Variants in ADGRB3 observed in about 807,000 individuals in gnomAD.
ADGRB3 encodes the protein brain-specific angiogenesis inhibitor 3.
ADGRB3 carries 37 observed loss-of-function variants against 193.4 expected under a neutral mutation model. The ratio of observed to expected loss-of-function variants is 0.19; its 90% confidence interval spans 0.15 to 0.25. ADGRB3 has a LOEUF of 0.25. Among genes scored for constraint, ADGRB3 ranks in the 10% least tolerant of loss-of-function variants. The probability of loss-of-function intolerance (pLI) is 1.00; values close to 1 mark genes in which losing one functional copy is unlikely to be tolerated. For synonymous variants in ADGRB3, 690 were observed against 644.2 expected (o/e 1.07, Z -1.08); for missense variants, 1,637 against 1,852.9 (o/e 0.88, Z 2.14).
chr6:68,946,965 C>T (rs1002498035), intron 6 of ADGRB3, among the ~76,000 whole-genome samples: 1 of 152,058 alleles, frequency 6.6e-6, no homozygotes. Flanking sequence ...TGCACAACTT[C>T]CTCCCACTTC....
At chr6:69,104,617 T>G (rs756883990) in intron 17 of ADGRB3, among the ~76,000 whole-genome samples, 1 of 152,116 alleles carries the variant, frequency 6.6e-6, no homozygotes, top group Non-Finnish European at 1.5e-5. Context: ...ATGTTGCTCT[T>G]TTCTATAATA....
chr6:69,197,767 A>C (rs1484300832), intron 17 of ADGRB3, among the ~76,000 whole-genome samples: 1 of 152,086 alleles, frequency 6.6e-6, no homozygotes, highest in Non-Finnish European at 1.5e-5. Flanking sequence ...TATAATATCA[A>C]GCAAAGGTAA....
chr6:69,240,765 G>A (rs1443815965), intron 20 of ADGRB3, among the ~76,000 whole-genome samples: 1 of 151,828 alleles, frequency 6.6e-6, no homozygotes, highest in Non-Finnish European at 1.5e-5. Flanking sequence ...TTTCCTTTTT[G>A]CTTGTTCACT....
intron 20 of ADGRB3, among the ~76,000 whole-genome samples, chr6:69,269,239 C>A (rs986155086): frequency 3.3e-5 from 5 of 152,050 alleles, no homozygotes; most frequent in African/African-American, 1.2e-4. Flanking sequence ...AAACAACATT[C>A]TTAGTTAAAA....
At chr6:68,937,431 G>T (rs2150248653) in intron 5 of ADGRB3, among the ~76,000 whole-genome samples, 1 of 152,262 alleles carries the variant, frequency 6.6e-6, no homozygotes, top group Admixed American at 6.5e-5. Context: ...GTTTCCAGAA[G>T]TTCAAAGCAC....
chr6:68,839,087 C>A (rs1768100252), intron 3 of ADGRB3, among the ~76,000 whole-genome samples: 1 of 129,978 alleles, frequency 7.7e-6, no homozygotes, highest in Non-Finnish European at 1.5e-5. Flanking sequence ...CTGTCACACA[C>A]ACACACACAC....
intron 8 of ADGRB3, among the ~76,000 whole-genome samples, chr6:68,961,838 T>C (rs959172370): frequency 6.6e-6 from 1 of 152,256 alleles, no homozygotes; most frequent in Admixed American, 6.5e-5. Context: ...TTGGAATTTA[T>C]ATTATTTAAT....
intron 12 of ADGRB3, among the ~76,000 whole-genome samples, chr6:69,017,040 A>G (rs890718373): frequency 6.6e-6 from 1 of 151,914 alleles, no homozygotes; most frequent in African/African-American, 2.4e-5. Flanking sequence ...TTCATGTTTA[A>G]TGACTGAAAA....
At chr6:68,739,530 T>G (rs1361472320) in intron 3 of ADGRB3, among the ~76,000 whole-genome samples, 2 of 152,004 alleles carry the variant, frequency 1.3e-5, no homozygotes, top group African/African-American at 4.8e-5. Flanking sequence ...ATGAGAGAAG[T>G]CAGAGTGCAC....
At chr6:68,968,734 C>A (rs1329594983) in intron 8 of ADGRB3, among the ~76,000 whole-genome samples, 1 of 152,036 alleles carries the variant, frequency 6.6e-6, no homozygotes, top group Admixed American at 6.6e-5. Context: ...TATGTAATAA[C>A]CTATTCATGA....
chr6:68,921,001 T>A (rs1767028038), intron 3 of ADGRB3, among the ~76,000 whole-genome samples: 2 of 151,994 alleles, frequency 1.3e-5, no homozygotes. Context: ...ATGTAAAAAA[T>A]TAGGGTATAA....
chr6:68,851,894 C>T (rs555196568), intron 3 of ADGRB3, among the ~76,000 whole-genome samples: 7 of 151,768 alleles, frequency 4.6e-5, no homozygotes, highest in South Asian at 2.1e-4. Context: ...TTCACGGAGA[C>T]GGTGATATTT....
chr6:68,710,839 A>G (rs960568543), intron 3 of ADGRB3, among the ~76,000 whole-genome samples: 3 of 152,116 alleles, frequency 2.0e-5, no homozygotes, highest in African/African-American at 7.2e-5. Context: ...TTGAACTCCT[A>G]GAGGTGTGTA....
At chr6:69,271,266 T>A (rs1182064747) in intron 20 of ADGRB3, among the ~76,000 whole-genome samples, 1 of 152,134 alleles carries the variant, frequency 6.6e-6, no homozygotes, top group African/African-American at 2.4e-5. Context: ...AGAGGACAGA[T>A]GGATATATAT....
intron 3 of ADGRB3, among the ~76,000 whole-genome samples, chr6:68,750,642 A>G (rs748286253): frequency 4.6e-5 from 7 of 152,000 alleles, no homozygotes; most frequent in Middle Eastern, 3.4e-3. Flanking sequence ...ACTTCTATCC[A>G]TGTCTGCTTT....
At chr6:69,137,091 T>C (rs1397587894) in intron 17 of ADGRB3, among the ~76,000 whole-genome samples, 6 of 150,522 alleles carry the variant, frequency 4.0e-5, no homozygotes, top group Non-Finnish European at 7.4e-5. Flanking sequence ...GTAAGATCTT[T>C]TTGAGCCTCA....
intron 3 of ADGRB3, among the ~76,000 whole-genome samples, chr6:68,650,702 G>A (rs920183886): frequency 4.6e-5 from 7 of 151,914 alleles, no homozygotes; most frequent in East Asian, 1.9e-4. Context: ...TATCTTCTTC[G>A]TTTTATTCCG....
intron 20 of ADGRB3, among the ~76,000 whole-genome samples, chr6:69,240,489 T>C (rs989606601): frequency 3.9e-5 from 6 of 151,970 alleles, no homozygotes; most frequent in Non-Finnish European, 7.4e-5. Context: ...AGGTCCATGT[T>C]ATAAACATTT....
intron 3 of ADGRB3, among the ~76,000 whole-genome samples, chr6:68,715,600 T>A (rs1765476277): frequency 6.6e-6 from 1 of 151,810 alleles, no homozygotes; most frequent in Non-Finnish European, 1.5e-5. Context: ...AAGATTGTTA[T>A]TTGTCCATAT....
Sources: allele counts gnomAD v4.1 joint callset (sites outside exome capture counted in the v4.1 genomes callset), GRCh38; gene constraint gnomAD v4.1.1; transcripts MANE v1.5; gene names NCBI Gene and HGNC (gene_info 2026-07-23, HGNC 2026-07-21).